The following PRKAR2A variants were observed in gnomAD, a reference collection of about 807,000 sequenced individuals.
The protein encoded by PRKAR2A is protein kinase cAMP-dependent type II regulatory subunit alpha, also known as cAMP-dependent protein kinase type II-alpha regulatory subunit.
PRKAR2A carries 29 observed loss-of-function variants against 51.9 expected under a neutral mutation model. That is an observed-to-expected ratio of 0.56 (90% CI 0.42 to 0.76). The LOEUF is 0.76. PRKAR2A is among the 30% of genes least tolerant of loss of function. The pLI is 0.00. For missense variants in PRKAR2A, 445 were observed against 512.1 expected (o/e 0.87, Z 1.26); for synonymous variants, 178 against 186.2 (o/e 0.96, Z 0.36).
At chr3:48,828,464 T>TCCAAGCCTC (rs2083105616) in intron 1 of PRKAR2A, among the ~76,000 whole-genome samples, 1 of 152,026 alleles carries the variant, frequency 6.6e-6, no homozygotes, top group Non-Finnish European at 1.5e-5. Context: ...ACACTTGTAA[T>TCCAAGCCTC]CCAAGTACTT....
At chr3:48,790,107 G>A (rs1209264045) in intron 4 of PRKAR2A, among the ~76,000 whole-genome samples, 6 of 152,038 alleles carry the variant, frequency 3.9e-5, no homozygotes, top group African/African-American at 1.4e-4. Flanking sequence ...CTGCTATATG[G>A]TGACTAAGTG....
intron 3 of PRKAR2A, among the ~76,000 whole-genome samples, chr3:48,792,071 C>T (rs1244217831): frequency 6.6e-6 from 1 of 151,878 alleles, no homozygotes; most frequent in Non-Finnish European, 1.5e-5. Flanking sequence ...TATTAGAATA[C>T]TTCAGAAATC....
chr3:48,779,896 T>A (rs1205756826), intron 5 of PRKAR2A, among the ~76,000 whole-genome samples: 1 of 151,886 alleles, frequency 6.6e-6, no homozygotes, highest in Non-Finnish European at 1.5e-5. Context: ...GTGCGGTGGC[T>A]CATGCCTGTA....
chr3:48,787,688 A>G (rs1469357296), intron 4 of PRKAR2A, among the ~76,000 whole-genome samples: 1 of 152,216 alleles, frequency 6.6e-6, no homozygotes, highest in Non-Finnish European at 1.5e-5. Context: ...TGTTTCTCAT[A>G]ACCAGCCTTT....
chr3:48,787,916 G>A (rs2107303534), intron 4 of PRKAR2A, among the ~76,000 whole-genome samples: 1 of 152,266 alleles, frequency 6.6e-6, no homozygotes, highest in Middle Eastern at 3.4e-3. Context: ...GTAGGAGCTG[G>A]GTAACAGAGG....
chr3:48,832,294 C>T (rs1266062266), intron 1 of PRKAR2A, among the ~76,000 whole-genome samples: 1 of 134,202 alleles, frequency 7.5e-6, no homozygotes, highest in East Asian at 2.1e-4. Flanking sequence ...AAAACTTCAT[C>T]TCAAAAAAAA....
intron 6 of PRKAR2A, among the ~76,000 whole-genome samples, chr3:48,766,393 C>A (rs996841154): frequency 2.0e-5 from 3 of 151,510 alleles, no homozygotes; most frequent in Non-Finnish European, 2.9e-5. Flanking sequence ...CATGGTGAAA[C>A]CCCATCTCTA....
chr3:48,820,213 T>A (rs1187236403), intron 1 of PRKAR2A, among the ~76,000 whole-genome samples: 1 of 152,154 alleles, frequency 6.6e-6, no homozygotes, highest in Admixed American at 6.6e-5. Context: ...ATGGAGTAGA[T>A]CTACCGCAAG....
In PRKAR2A at chr3:48,847,557, G is replaced by A; in HGVS notation, c.40C>T (p.Leu14=). The A allele has an allele frequency of 1.3e-6, 2 of 1,558,792 alleles. No homozygotes were observed. The highest frequency in any genetic ancestry group is 8.6e-7 in the Non-Finnish European group (1 of 1,156,408). Residue 14 remains leucine, a synonymous_variant, in exon 1 of 11, where the codon CTG becomes TTG. Coordinates refer to ENST00000265563, the MANE Select transcript of PRKAR2A (RefSeq NM_004157.4). The surrounding 1 kb of genome is among the most constrained non-coding windows in gnomAD (Gnocchi z 4.4). ...AGCACCTCCACCGTGTAGCCCTGCAGCAGCTCCGTGAGCCCCGGCGGGATC... is the reference window on the plus strand; with the variant it reads ...AGCACCTCCACCGTGTAGCCCTGCAACAGCTCCGTGAGCCCCGGCGGGATC... ...IQIPPGLTEL[L]QGYTVEVLRQ...
intron 3 of PRKAR2A, among the ~76,000 whole-genome samples, chr3:48,791,323 G>C (rs1016508408): frequency 7.5e-5 from 11 of 147,326 alleles, no homozygotes; most frequent in Admixed American, 5.5e-4. Context: ...AGGGCTGGGC[G>C]TGGTGGCGCA....
chr3:48,763,923 G>A (rs2081900597), intron 8 of PRKAR2A, among the ~76,000 whole-genome samples: 1 of 152,188 alleles, frequency 6.6e-6, no homozygotes, highest in Non-Finnish European at 1.5e-5. Flanking sequence ...GTGACTCAGA[G>A]TAGACATCAT....
chr3:48,790,729 A>C (rs1490205159), intron 3 of PRKAR2A, 102 bp from the exon 4 acceptor site: 1 of 688,128 alleles, frequency 1.5e-6, no homozygotes, highest in African/African-American at 1.8e-5. Flanking sequence ...AAAAATAAAG[A>C]GCATGGTTTC....
At chr3:48,802,560 C>T (rs2082607072) in intron 2 of PRKAR2A, among the ~76,000 whole-genome samples, 1 of 152,198 alleles carries the variant, frequency 6.6e-6, no homozygotes, top group Middle Eastern at 3.4e-3. Flanking sequence ...AAAAATTAGC[C>T]AGGCATGGTG....
intron 9 of PRKAR2A, among the ~76,000 whole-genome samples, chr3:48,755,689 C>G (rs939102848): frequency 5.3e-5 from 8 of 150,844 alleles, no homozygotes; most frequent in Admixed American, 5.3e-4. Context: ...TTCACTGCAG[C>G]CTCAATCTCT....
At chr3:48,810,876 C>T (rs777040811) in intron 1 of PRKAR2A, among the ~76,000 whole-genome samples, 17 of 152,064 alleles carry the variant, frequency 1.1e-4, no homozygotes, top group Non-Finnish European at 1.9e-4. Context: ...ATGCAATGGT[C>T]CTATAAGAAT....
intron 9 of PRKAR2A, 142 bp from the exon 10 acceptor site, chr3:48,752,459 A>G: frequency 1.1e-6 from 1 of 909,056 alleles, no homozygotes; most frequent in Non-Finnish European, 1.6e-6. Flanking sequence ...TAACTGTACC[A>G]TGTAAACTCC....
chr3:48,751,803 G>A (rs2081652319), intron 10 of PRKAR2A, 85 bp from the exon 11 acceptor site: 28 of 1,490,236 alleles, frequency 1.9e-5, no homozygotes, highest in Admixed American at 1.6e-4. Flanking sequence ...ACCCATTCAT[G>A]TTGTATGAGA....
At chr3:48,836,080 C>A (rs1444647701) in intron 1 of PRKAR2A, among the ~76,000 whole-genome samples, 2 of 151,938 alleles carry the variant, frequency 1.3e-5, no homozygotes, top group African/African-American at 4.8e-5. Flanking sequence ...AAAGAATAGT[C>A]TCTTCAACAA....
At chr3:48,840,567 CTTTTTTTTTTTTT>C (rs760883553) in intron 1 of PRKAR2A, among the ~76,000 whole-genome samples, 2 of 69,468 alleles carry the variant, frequency 2.9e-5, no homozygotes, top group African/African-American at 5.0e-5. Flanking sequence ...TTGTTTTCAC[CTTTTTTTTTTTTT>C]TTTTTTTTTT....
Sources: gnomAD v4.1 joint callset for allele counts (sites outside exome capture counted in the v4.1 genomes callset) on GRCh38, gnomAD v4.1.1 for gene constraint, Gnocchi (gnomAD v3.1) non-coding constraint, MANE v1.5 for transcripts, NCBI Gene and HGNC (gene_info 2026-07-23, HGNC 2026-07-21) for gene names.